Variants in CTNND2 observed in about 807,000 individuals in gnomAD.
The protein encoded by CTNND2 is catenin delta-2.
Under a neutral mutation model 144.4 loss-of-function variants are expected in CTNND2, and 22 were observed. That is an observed-to-expected ratio of 0.15 (90% CI 0.11 to 0.22). The LOEUF (loss-of-function observed/expected upper bound fraction) is 0.22. Ranked by LOEUF, CTNND2 falls within the 10% of genes least tolerant of loss-of-function variation. The probability of loss-of-function intolerance (pLI) is 1.00; values close to 1 mark genes in which losing one functional copy is unlikely to be tolerated. For missense variants in CTNND2, 1,353 were observed against 1,618.8 expected, an observed-to-expected ratio of 0.84 and a Z score of 2.82; for synonymous variants, 751 against 695.6, an observed-to-expected ratio of 1.08 and a Z score of -1.25.
chr5:11,267,130 C>G (rs552722000), intron 9 of CTNND2, among the ~76,000 whole-genome samples: 1 of 152,338 alleles, frequency 6.6e-6, no homozygotes, highest in African/African-American at 2.4e-5. Context: ...CCACCCACCT[C>G]GGCCTCCCAA....
intron 18 of CTNND2, among the ~76,000 whole-genome samples, chr5:11,016,771 CTA>C (rs1355710899): frequency 6.6e-6 from 1 of 151,840 alleles, no homozygotes; most frequent in Non-Finnish European, 1.5e-5. Flanking sequence ...CCTCTATCCC[CTA>C]TATATTTTTT....
chr5:11,506,564 A>G (rs2150017655), intron 3 of CTNND2, among the ~76,000 whole-genome samples: 1 of 152,346 alleles, frequency 6.6e-6, no homozygotes, highest in Non-Finnish European at 1.5e-5. Context: ...TCTTGCTACA[A>G]AAAATAAAGG....
intron 9 of CTNND2, among the ~76,000 whole-genome samples, chr5:11,255,345 C>T (rs1744126474): frequency 1.3e-5 from 2 of 152,230 alleles, no homozygotes; most frequent in African/African-American, 2.4e-5. Context: ...CACATCATTT[C>T]TGGAGAGCAG....
chr5:11,470,025 T>C (rs1459153096), intron 3 of CTNND2, among the ~76,000 whole-genome samples: 1 of 152,204 alleles, frequency 6.6e-6, no homozygotes, highest in African/African-American at 2.4e-5. Flanking sequence ...AATTGAAATA[T>C]GTTCTAAATT....
intron 15 of CTNND2, chr5:11,083,850 TG>T (rs992133403): frequency 1.1e-5 from 11 of 990,732 alleles, no homozygotes; most frequent in Non-Finnish European, 1.3e-5. Flanking sequence ...CCTTCCCCCA[TG>T]GGGGCAGGCA....
At chr5:11,437,212 ATTC>A (rs1763851868) in intron 3 of CTNND2, among the ~76,000 whole-genome samples, 1 of 152,190 alleles carries the variant, frequency 6.6e-6, no homozygotes, top group Admixed American at 6.5e-5. Flanking sequence ...AACCCTGCAT[ATTC>A]ATGACAGTAA....
chr5:11,547,335 T>C (rs562356442), intron 3 of CTNND2, among the ~76,000 whole-genome samples: 24 of 151,122 alleles, frequency 1.6e-4, no homozygotes, highest in Non-Finnish European at 3.1e-4. Flanking sequence ...TAAAAAGATA[T>C]AGCTTTACAA....
At chr5:11,619,569 A>C (rs986758223) in intron 2 of CTNND2, among the ~76,000 whole-genome samples, 1 of 152,142 alleles carries the variant, frequency 6.6e-6, no homozygotes, top group Non-Finnish European at 1.5e-5. Flanking sequence ...GTCTCTGTTG[A>C]TCAGAAGCCA....
intron 16 of CTNND2, among the ~76,000 whole-genome samples, chr5:11,062,494 C>T (rs144014152): frequency 2.0e-5 from 3 of 152,326 alleles, no homozygotes; most frequent in Admixed American, 6.5e-5. Context: ...TTTCTCTTTA[C>T]GTGAGCTCCC....
chr5:11,385,307 A>G (rs1581079940), intron 6 of CTNND2, 78 bp from the exon 7 acceptor site: 1 of 965,996 alleles, frequency 1.0e-6, no homozygotes, highest in Non-Finnish European at 1.2e-6. Context: ...CCCGGCCCCG[A>G]GAGCAGAGGC....
chr5:11,476,966 C>T (rs1306460626), intron 3 of CTNND2, among the ~76,000 whole-genome samples: 1 of 152,026 alleles, frequency 6.6e-6, no homozygotes, highest in Non-Finnish European at 1.5e-5. Context: ...TACAAAGATC[C>T]CACTTTAACA....
intron 10 of CTNND2, among the ~76,000 whole-genome samples, chr5:11,212,043 A>AT (rs1738691098): frequency 6.6e-6 from 1 of 152,144 alleles, no homozygotes. Flanking sequence ...GATGGAAAGT[A>AT]TTTTTTGTTA....
chr5:11,823,303 T>A (rs574916328), intron 1 of CTNND2, among the ~76,000 whole-genome samples: 1 of 152,364 alleles, frequency 6.6e-6, no homozygotes, highest in Admixed American at 6.5e-5. Context: ...TTTTTTCCAA[T>A]TAACGAGTTT....
chr5:11,188,898 C>T (rs1735955053), intron 11 of CTNND2, among the ~76,000 whole-genome samples: 1 of 152,190 alleles, frequency 6.6e-6, no homozygotes. Flanking sequence ...AAACTTCATT[C>T]TAAGTAGTAA....
chr5:11,705,078 A>G (rs533947271), intron 2 of CTNND2, among the ~76,000 whole-genome samples: 11 of 152,264 alleles, frequency 7.2e-5, no homozygotes, highest in Middle Eastern at 3.4e-3. Context: ...CAGAAGGGAA[A>G]GAAAAAATAG....
At position 10,975,168 on chromosome 5, in the gene CTNND2, G is replaced by A. The variant is rs1296536274; in HGVS notation, c.3418-1455C>T. On this transcript the variant is annotated intron_variant, in intron 21 of 21. Transcript: ENST00000304623. ...GTCTACTGGACTGCGTTGCTAGGTT[G>A]GGGTGCCCTTTGCTATTCTTTGAAG... Among the ~76,000 whole-genome samples, 3 of 152,158 alleles carry A rather than the reference G, an allele frequency of 2.0e-5. No homozygotes were observed. In the East Asian group the frequency reaches 5.8e-4, roughly 29 times the overall value.
intron 1 of CTNND2, among the ~76,000 whole-genome samples, chr5:11,866,992 A>G (rs1335375701): frequency 6.6e-6 from 1 of 152,244 alleles, no homozygotes; most frequent in African/African-American, 2.4e-5. Context: ...CAAATGCATG[A>G]TGTGGCATTA....
intron 7 of CTNND2, among the ~76,000 whole-genome samples, chr5:11,370,903 A>C (rs1170831401): frequency 6.6e-6 from 1 of 152,224 alleles, no homozygotes; most frequent in African/African-American, 2.4e-5. Flanking sequence ...TTGTATGGAG[A>C]AAAAAGTAAA....
At chr5:11,667,785 C>G (rs145059133) in intron 2 of CTNND2, among the ~76,000 whole-genome samples, 277 of 152,250 alleles carry the variant, frequency 1.8e-3, no homozygotes, top group Non-Finnish European at 3.3e-3. Context: ...TCCCATTTTT[C>G]TATTTTGGCT....
Sources: gnomAD v4.1 joint callset for allele counts (sites outside exome capture counted in the v4.1 genomes callset) on GRCh38, gnomAD v4.1.1 for gene constraint, MANE v1.5 for transcripts, NCBI Gene and HGNC (gene_info 2026-07-23, HGNC 2026-07-21) for gene names.